The following CDC42SE2 variants were observed in gnomAD, a reference collection of about 807,000 sequenced individuals.
The protein encoded by CDC42SE2 is CDC42 small effector 2.
Under a neutral mutation model 11.5 loss-of-function variants are expected in CDC42SE2, and 3 were observed. That is an observed-to-expected ratio of 0.26 (90% CI 0.12 to 0.67). The LOEUF (loss-of-function observed/expected upper bound fraction) is 0.67. Among genes scored for constraint, CDC42SE2 ranks in the 30% least tolerant of loss-of-function variants. CDC42SE2 has a pLI of 0.80. For synonymous variants in CDC42SE2, 33 were observed against 34.8 expected, an observed-to-expected ratio of 0.95 and a Z score of 0.18; for missense variants, 82 against 106.8, an observed-to-expected ratio of 0.77 and a Z score of 1.02.
At chr5:131,273,382 T>C (rs1198603940) in intron 1 of CDC42SE2, among the ~76,000 whole-genome samples, 3 of 150,388 alleles carry the variant, frequency 2.0e-5, no homozygotes, top group East Asian at 3.9e-4. Context: ...TCTCAAACTC[T>C]TGACTTCAAG....
the CDC42SE2 span, among the ~76,000 whole-genome samples, chr5:131,239,870 T>C: frequency 1.3e-5 from 2 of 152,356 alleles, no homozygotes; most frequent in East Asian, 1.9e-4. Flanking sequence ...TTGACTCTTA[T>C]CTGACAGTTT....
At chr5:131,280,925 CTTATG>C (rs1757225514) in intron 1 of CDC42SE2, among the ~76,000 whole-genome samples, 1 of 152,024 alleles carries the variant, frequency 6.6e-6, no homozygotes, top group East Asian at 1.9e-4. Flanking sequence ...TGTAAGAATT[CTTATG>C]TTAATGTTTC....
At chr5:131,347,012 A>C (rs1203164975) in intron 2 of CDC42SE2, among the ~76,000 whole-genome samples, 2 of 152,232 alleles carry the variant, frequency 1.3e-5, no homozygotes, top group African/African-American at 4.8e-5. Context: ...GTAGAGGGAA[A>C]TTTATAGCAC....
At chr5:131,351,051 T>G (rs1758997623) in intron 2 of CDC42SE2, among the ~76,000 whole-genome samples, 1 of 152,056 alleles carries the variant, frequency 6.6e-6, no homozygotes, top group Non-Finnish European at 1.5e-5. Context: ...GCTCAAGTGA[T>G]CCTCCTGCCT....
At chr5:131,359,853 A>C (rs1282211105) in intron 3 of CDC42SE2, among the ~76,000 whole-genome samples, 1 of 152,144 alleles carries the variant, frequency 6.6e-6, no homozygotes, top group Admixed American at 6.6e-5. Flanking sequence ...AAAACAGATA[A>C]ATCAGCCTTG....
At chr5:131,240,776 T>C (rs1021021315), upstream of CDC42SE2, among the ~76,000 whole-genome samples, 45 of 152,176 alleles carry the variant, frequency 3.0e-4, no homozygotes, top group Non-Finnish European at 5.9e-5. Context: ...TGGAAAACAG[T>C]GTGCTCATAT....
chr5:131,261,913 CTT>C (rs780842618), upstream of CDC42SE2, among the ~76,000 whole-genome samples: 37 of 134,418 alleles, frequency 2.8e-4, no homozygotes, highest in Non-Finnish European at 2.9e-4. Flanking sequence ...CCTTAATTGA[CTT>C]TTTTTTTTTT....
intron 2 of CDC42SE2, among the ~76,000 whole-genome samples, chr5:131,334,867 T>C (rs1385706774): frequency 1.3e-5 from 2 of 152,208 alleles, no homozygotes; most frequent in Non-Finnish European, 2.9e-5. Context: ...TTCTTCTTTA[T>C]TAGTCTTGCT....
chr5:131,334,909 A>C (rs1181383499), intron 2 of CDC42SE2, among the ~76,000 whole-genome samples: 1 of 152,118 alleles, frequency 6.6e-6, no homozygotes, highest in Non-Finnish European at 1.5e-5. Flanking sequence ...ATCTTTTCAA[A>C]AACACCAACT....
chr5:131,214,704 C>T, the CDC42SE2 span, among the ~76,000 whole-genome samples: 1 of 152,248 alleles, frequency 6.6e-6, no homozygotes, highest in South Asian at 2.1e-4. Flanking sequence ...AAATAGCCTT[C>T]AGAATTGTTC....
chr5:131,236,213 G>A, the CDC42SE2 span, among the ~76,000 whole-genome samples: 1 of 152,090 alleles, frequency 6.6e-6, no homozygotes, highest in Admixed American at 6.6e-5. Context: ...TGCATAATTT[G>A]ATGTGTAATA....
intron 2 of CDC42SE2, among the ~76,000 whole-genome samples, chr5:131,335,960 C>A (rs1448629238): frequency 6.6e-6 from 1 of 151,398 alleles, no homozygotes; most frequent in African/African-American, 2.4e-5. Context: ...AGCATTTAGC[C>A]CATTTACATT....
intron 1 of CDC42SE2, among the ~76,000 whole-genome samples, chr5:131,265,618 C>T (rs1220735371): frequency 6.6e-6 from 1 of 152,196 alleles, no homozygotes; most frequent in Non-Finnish European, 1.5e-5. Context: ...TGGTGACTGT[C>T]TTAAACCCCT....
the CDC42SE2 span, among the ~76,000 whole-genome samples, chr5:131,219,138 GA>G: frequency 6.6e-6 from 1 of 151,600 alleles, no homozygotes; most frequent in South Asian, 2.1e-4. Context: ...TTTGTTATAA[GA>G]AAATGTTGTA....
At chr5:131,369,644 C>T (rs1462335993) in intron 3 of CDC42SE2, among the ~76,000 whole-genome samples, 7 of 152,080 alleles carry the variant, frequency 4.6e-5, no homozygotes, top group Non-Finnish European at 7.4e-5. Context: ...TGAAGGTTAG[C>T]CTTGTATTGT....
chr5:131,222,506 A>G, the CDC42SE2 span, among the ~76,000 whole-genome samples: 1 of 152,262 alleles, frequency 6.6e-6, no homozygotes, highest in Non-Finnish European at 1.5e-5. Context: ...TATTCTTTGC[A>G]TTATTTGATA....
intron 4 of CDC42SE2, among the ~76,000 whole-genome samples, chr5:131,387,485 G>T (rs1335768130): frequency 6.6e-6 from 1 of 152,162 alleles, no homozygotes; most frequent in African/African-American, 2.4e-5. Context: ...TGGGAGGGGG[G>T]AGGTTGCAGT....
upstream of CDC42SE2, among the ~76,000 whole-genome samples, chr5:131,259,286 C>G (rs768585471): frequency 2.6e-5 from 4 of 152,104 alleles, no homozygotes; most frequent in African/African-American, 9.7e-5. Context: ...AATATACACT[C>G]AATAGATATA....
intron 3 of CDC42SE2, among the ~76,000 whole-genome samples, chr5:131,371,442 A>G (rs1346835177): frequency 6.6e-6 from 1 of 152,172 alleles, no homozygotes; most frequent in African/African-American, 2.4e-5. Context: ...ACTTTTGTCT[A>G]TTGAACTTTC....
Sources: allele counts gnomAD v4.1 joint callset (sites outside exome capture counted in the v4.1 genomes callset), GRCh38; gene constraint gnomAD v4.1.1; transcripts MANE v1.5; gene names NCBI Gene and HGNC (gene_info 2026-07-23, HGNC 2026-07-21).